Variants in GAK observed in about 807,000 individuals in gnomAD.
GAK encodes cyclin-G-associated kinase.
A neutral mutation model predicts 143.9 loss-of-function variants in GAK; 79 were observed. That is an observed-to-expected ratio of 0.55 (90% CI 0.46 to 0.66). GAK has a LOEUF of 0.66. GAK is among the 30% of genes least tolerant of loss of function. The pLI is 0.00. For missense variants in GAK, 1,693 were observed against 1,779.7 expected, an observed-to-expected ratio of 0.95 and a Z score of 0.88; for synonymous variants, 881 against 765.5, an observed-to-expected ratio of 1.15 and a Z score of -2.49.
intron 5 of GAK, among the ~76,000 whole-genome samples, chr4:902,432 C>G (rs749376853): frequency 6.6e-6 from 1 of 151,246 alleles, no homozygotes; most frequent in Non-Finnish European, 1.5e-5. Flanking sequence ...TGGTGAAACC[C>G]CATTTCTACT....
chr4:916,116 A>T (rs1723059669), intron 1 of GAK, among the ~76,000 whole-genome samples: 1 of 152,250 alleles, frequency 6.6e-6, no homozygotes, highest in Admixed American at 6.5e-5. Flanking sequence ...CCATAAAAGA[A>T]AAATAATGAT....
intron 5 of GAK, among the ~76,000 whole-genome samples, chr4:902,551 C>T (rs527985029): frequency 1.2e-3 from 163 of 134,560 alleles, no homozygotes; most frequent in Admixed American, 1.8e-3. Flanking sequence ...CAGTGAGCCC[C>T]GTCAGTGCCG....
At chr4:877,884 T>C in intron 15 of GAK, 75 bp from the exon 16 acceptor site, 1 of 1,355,754 alleles carries the variant, frequency 7.4e-7, no homozygotes, top group Non-Finnish European at 9.9e-7. Context: ...GTCTTTCGAA[T>C]AGAAGTTTTT....
chr4:909,660 G>GAGTT (rs1160677706), intron 4 of GAK, among the ~76,000 whole-genome samples: 1 of 152,236 alleles, frequency 6.6e-6, no homozygotes, highest in Non-Finnish European at 1.5e-5. Flanking sequence ...AGGCTGTATA[G>GAGTT]AGTTATGAGG....
intron 18 of GAK, among the ~76,000 whole-genome samples, chr4:875,529 A>C (rs1560329801): frequency 6.6e-6 from 1 of 152,178 alleles, no homozygotes; most frequent in Non-Finnish European, 1.5e-5. Context: ...CCCTTTGTTT[A>C]CTGGGTAGGA....
rs894916873 is a variant in GAK at position 902,775 on chromosome 4, C to T, written c.525+1862G>A. Among the ~76,000 whole-genome samples, 24 of 152,116 alleles carry T rather than the reference C, an allele frequency of 1.6e-4. 3 individuals are homozygous for T. The highest frequency in any genetic ancestry group is 4.2e-4 in the South Asian group (2 of 4,810). On this transcript the variant is annotated intron_variant, in intron 5 of 27. Transcript: ENST00000314167. ...GAAAACTGGGCCACAAACCAGAAGA[C>T]GCCGGCAGCACAGGCGACACTTAGC...
At chr4:881,557 C>G (rs1156743000) in intron 15 of GAK, among the ~76,000 whole-genome samples, 1 of 152,184 alleles carries the variant, frequency 6.6e-6, no homozygotes, top group African/African-American at 2.4e-5. Flanking sequence ...TGAGCAGCGT[C>G]AGGTGCTCCA....
chr4:887,015 C>T (rs565548471), intron 11 of GAK: 14 of 152,578 alleles, frequency 9.2e-5, no homozygotes, highest in African/African-American at 2.7e-4. Context: ...CTCACACACA[C>T]AGGCACTCAC....
intron 20 of GAK, among the ~76,000 whole-genome samples, chr4:867,668 G>T (rs540588813): frequency 3.2e-4 from 48 of 151,832 alleles, no homozygotes; most frequent in Admixed American, 2.0e-3. Context: ...CTCGGCCCAG[G>T]GCCTTGGCAA....
intron 1 of GAK, among the ~76,000 whole-genome samples, chr4:923,470 G>A (rs1724211973): frequency 6.6e-6 from 1 of 151,698 alleles, no homozygotes; most frequent in Admixed American, 6.6e-5. Flanking sequence ...GGAGTTCTGA[G>A]AACAGCCTAC....
At chr4:854,606 G>A (rs1748799365) in intron 24 of GAK, among the ~76,000 whole-genome samples, 1 of 152,156 alleles carries the variant, frequency 6.6e-6, no homozygotes, top group South Asian at 2.1e-4. Context: ...TCAAAGCTCC[G>A]CTGGTCTCTC....
At chr4:882,247 C>G (rs1560347023) in intron 14 of GAK, among the ~76,000 whole-genome samples, 1 of 152,258 alleles carries the variant, frequency 6.6e-6, no homozygotes, top group South Asian at 2.1e-4. Flanking sequence ...TAACGAAGAA[C>G]AGGGCTAGGG....
rs1302256164 is a variant in GAK at position 870,817 on chromosome 4, C to T, written c.2142G>A (p.Arg714=). ...NLEVEVEPRD[R]PSREAPPWEN... ...CCCATGGTGGGGCTTCCCGGCTCGG[C>T]CTGTCCCTGGGCTCCACCTCCACTT... is the stretch of plus-strand genomic sequence containing the variant. The change falls in exon 19 of 28, where the codon AGG becomes AGA. Residue 714 remains arginine, a synonymous_variant. Coordinates refer to ENST00000314167, the MANE Select transcript of GAK (RefSeq NM_005255.4). 2.5e-6 allele frequency: 4 copies of T among 1,614,068 alleles called. No homozygotes were observed. The highest frequency in any genetic ancestry group is 2.2e-5 in the East Asian group (1 of 44,886).
chr4:932,142 A>C lies in GAK; in HGVS notation c.46T>G (p.Ser16Ala). 1.9e-6 allele frequency: 3 copies of C among 1,584,738 alleles called. No homozygotes were observed. The highest frequency in any genetic ancestry group is 1.7e-4 in the Middle Eastern group (1 of 5,964). The change falls in exon 1 of 28, where the codon TCC (serine) becomes GCC (alanine). Residue 16 changes from serine (S) to alanine (A), a missense_variant. Physicochemically the swap from Ser to Ala is moderately conservative, Grantham distance 99. Around this residue, in one of 2 missense-constraint regions of GAK, gnomAD observed 871 missense variants for 991.0 expected, o/e 0.88. Coordinates refer to ENST00000314167, the MANE Select transcript of GAK (RefSeq NM_005255.4). The surrounding 1 kb of genome is among the most constrained non-coding windows in gnomAD (Gnocchi z 4.0). ...TCGCGGCCGGAAGCACCGCCCAGGG[A>C]GCCTGGACCCGCCAAGAAGTCGAGC... ...SALDFLAGPG[S>A]LGGASGRDQS... is the part of the protein sequence containing the mutation.
Position 851,841 on chromosome 4 carries a change from G to A in GAK, c.3417C>T (p.Pro1139=), listed in dbSNP as rs772120961. Residue 1139 remains proline, a synonymous_variant, in exon 25 of 28, where the codon CCC becomes CCT. Coordinates refer to ENST00000314167, the MANE Select transcript of GAK (RefSeq NM_005255.4). ...ASWPPQAKPP[P]KACTQPRPNY... ...TAGGCCTTGGCTGTGTGCAGGCTTTGGGGGGCGGCTTGGCCTGAGGGGGCC... is the reference window on the plus strand; with the variant it reads ...TAGGCCTTGGCTGTGTGCAGGCTTTAGGGGGCGGCTTGGCCTGAGGGGGCC... 1.2e-6 allele frequency: 2 copies of A among 1,609,186 alleles called. No individual in the cohort carries two copies.
chr4:893,422 C>T lies in GAK; in HGVS notation c.945G>A (p.Glu315=), dbSNP rs1718071465. ...GGTTCACGTTGCGGGCGGCCGCGAT[C>T]TCCTGCAGCTGGTGCACCACCTCGG... The part of the protein sequence containing the change: ...SIAEVVHQLQ[E]IAAARNVNPK... Residue 315 remains glutamate, a synonymous_variant, in exon 9 of 28, where the codon GAG becomes GAA. Coordinates refer to ENST00000314167, the MANE Select transcript of GAK (RefSeq NM_005255.4). 6.3e-7 allele frequency: 1 copy of T among 1,592,280 alleles called. No individual in the cohort carries two copies. Among genetic ancestry groups the T allele is most frequent in the Non-Finnish European group, 8.5e-7 (1 of 1,169,792 alleles).
At chr4:876,326 G>T (rs903878760) in intron 18 of GAK, among the ~76,000 whole-genome samples, 1 of 151,770 alleles carries the variant, frequency 6.6e-6, no homozygotes, top group Non-Finnish European at 1.5e-5. Context: ...ACACCAACGG[G>T]GGGGCAGAGC....
chr4:896,410 AGTAG>A, intron 7 of GAK, 46 bp downstream of exon 7: 1 of 1,505,756 alleles, frequency 6.6e-7, no homozygotes, highest in South Asian at 1.1e-5. Context: ...CCTCAGGTTA[AGTAG>A]GGCGCACGGA....
At chr4:858,670 T>C (rs1031855571) in intron 24 of GAK, among the ~76,000 whole-genome samples, 1 of 152,218 alleles carries the variant, frequency 6.6e-6, no homozygotes, top group African/African-American at 2.4e-5. Context: ...TGGGACTTCA[T>C]GACAGAACAG....
Sources: gnomAD v4.1 joint callset for allele counts (sites outside exome capture counted in the v4.1 genomes callset) on GRCh38, gnomAD v4.1.1 for gene constraint, gnomAD v4.1.1 regional missense constraint, Gnocchi (gnomAD v3.1) non-coding constraint, MANE v1.5 for transcripts, NCBI Gene and HGNC (gene_info 2026-07-23, HGNC 2026-07-21) for gene names.